The following PKIB variants were observed in gnomAD, a reference collection of about 807,000 sequenced individuals.
The protein encoded by PKIB is cAMP-dependent protein kinase inhibitor beta, also known as PKI-beta.
PKIB carries 2 observed loss-of-function variants against 4.5 expected under a neutral mutation model. The observed-to-expected ratio is 0.44, with a 90% confidence interval of 0.18 to 1.39. The LOEUF (loss-of-function observed/expected upper bound fraction) is 1.39, where lower values mean the gene tolerates loss of function less well. PKIB is among the 40% of genes most tolerant of loss of function. PKIB has a pLI of 0.27. For synonymous variants in PKIB, 38 were observed against 36.0 expected (o/e 1.06, Z -0.20); for missense variants, 94 against 92.6 (o/e 1.02, Z -0.06).
At chr6:122,626,627 T>C (rs1775456551) in intron 1 of PKIB, among the ~76,000 whole-genome samples, 3 of 152,236 alleles carry the variant, frequency 2.0e-5, no homozygotes, top group Admixed American at 2.0e-4. Context: ...ATGTGCATTC[T>C]GGACAGATGA....
chr6:122,707,263 TG>T (rs1433728700), intron 3 of PKIB, among the ~76,000 whole-genome samples: 4 of 152,168 alleles, frequency 2.6e-5, no homozygotes, highest in Non-Finnish European at 5.9e-5. Context: ...CCCATAATTT[TG>T]ATTGAATTTT....
chr6:122,566,610 A>ATTCCTCCG (rs1562253816), intron 2 of PKIB, among the ~76,000 whole-genome samples: 1 of 150,750 alleles, frequency 6.6e-6, no homozygotes, highest in East Asian at 1.9e-4. Flanking sequence ...TTTTGAAATA[A>ATTCCTCCG]TTCCTCCCTT....
intron 2 of PKIB, among the ~76,000 whole-genome samples, chr6:122,654,296 G>T (rs1445989519): frequency 6.6e-6 from 1 of 152,172 alleles, no homozygotes; most frequent in African/African-American, 2.4e-5. Context: ...GTTGGAATAA[G>T]ATCATGTTTG....
intron 1 of PKIB, among the ~76,000 whole-genome samples, chr6:122,622,304 AT>A (rs61333695): frequency 0.98 from 149,131 of 151,464 alleles, 73,443 homozygotes; most frequent in Middle Eastern, 1. Context: ...AGCCTTCTTC[AT>A]TTTTTTTTTG....
intron 2 of PKIB, among the ~76,000 whole-genome samples, chr6:122,503,273 A>G (rs780841911): frequency 3.9e-5 from 6 of 152,206 alleles, no homozygotes; most frequent in Non-Finnish European, 5.9e-5. Flanking sequence ...TGAAATGTTC[A>G]TGTAGCAATT....
chr6:122,564,161 C>G (rs550927680), intron 2 of PKIB, among the ~76,000 whole-genome samples: 1 of 152,282 alleles, frequency 6.6e-6, no homozygotes, highest in East Asian at 1.9e-4. Context: ...TTTCCCACTT[C>G]TGCAGTTGGG....
chr6:122,717,632 G>T (rs936473089), intron 3 of PKIB, 155 bp from the exon 4 acceptor site: 8 of 741,674 alleles, frequency 1.1e-5, no homozygotes, highest in African/African-American at 1.7e-5. Context: ...AATGGATGCT[G>T]CAGGACCGTA....
chr6:122,610,901 C>G (rs1774725801), intron 1 of PKIB, among the ~76,000 whole-genome samples: 1 of 152,144 alleles, frequency 6.6e-6, no homozygotes, highest in Non-Finnish European at 1.5e-5. Flanking sequence ...AATGCCAAGT[C>G]TTTCCCCTGG....
chr6:122,645,163 T>G (rs1776262921), intron 2 of PKIB, among the ~76,000 whole-genome samples: 1 of 152,246 alleles, frequency 6.6e-6, no homozygotes, highest in Non-Finnish European at 1.5e-5. Flanking sequence ...CTTCTATCTT[T>G]TAGGGTTATC....
At chr6:122,682,519 ACTGTAGGTTTTT>A (rs1357494222) in intron 3 of PKIB, among the ~76,000 whole-genome samples, 1 of 152,122 alleles carries the variant, frequency 6.6e-6, no homozygotes, top group African/African-American at 2.4e-5. Context: ...TTATCTAAAA[ACTGTAGGTTTTT>A]TCAACTTGAG....
At chr6:122,604,875 A>G (rs914272118) in intron 3 of PKIB, among the ~76,000 whole-genome samples, 4 of 152,188 alleles carry the variant, frequency 2.6e-5, no homozygotes, top group African/African-American at 9.7e-5. Context: ...AATGGTAATG[A>G]AGGAATACTT....
At chr6:122,585,453 C>T (rs1773822633) in intron 2 of PKIB, 1 of 152,044 alleles carries the variant, frequency 6.6e-6, no homozygotes, top group African/African-American at 2.4e-5. Flanking sequence ...TAAAAGGGGC[C>T]AGAGATAATT....
At chr6:122,710,822 C>G (rs1033490391) in intron 3 of PKIB, among the ~76,000 whole-genome samples, 9 of 152,234 alleles carry the variant, frequency 5.9e-5, no homozygotes, top group African/African-American at 2.2e-4. Flanking sequence ...CTTCTTTAAG[C>G]AGGCTCCAGT....
chr6:122,510,890 C>T (rs78141317), intron 2 of PKIB, among the ~76,000 whole-genome samples: 4 of 152,070 alleles, frequency 2.6e-5, no homozygotes, highest in South Asian at 2.1e-4. Context: ...CGCAGCAAGC[C>T]GAGTCATGGC....
intron 1 of PKIB, among the ~76,000 whole-genome samples, chr6:122,475,280 T>G (rs570272858): frequency 6.6e-6 from 1 of 152,188 alleles, no homozygotes; most frequent in Non-Finnish European, 1.5e-5. Flanking sequence ...AATAATAATT[T>G]TATTTTCAGA....
chr6:122,540,843 T>A lies in PKIB; in HGVS notation c.-247-45078T>A, dbSNP rs1182934828. 8.7e-4 allele frequency among the ~76,000 whole-genome samples: 131 copies of A among 151,128 alleles called. 2 individuals carry two copies. The highest frequency in any genetic ancestry group is 3.2e-3 in the African/African-American group (131 of 41,282). ...GTCTCTTTGTAGGTCACTCAGGACT[T>A]GCTTTATGAATCTGGGTGCTCCTGT... On this transcript the variant is annotated intron_variant, in intron 2 of 6. Transcript: ENST00000392491.
At chr6:122,662,279 T>TTCTC (rs1777024262) in intron 2 of PKIB, among the ~76,000 whole-genome samples, 2 of 146,170 alleles carry the variant, frequency 1.4e-5, no homozygotes, top group South Asian at 2.2e-4. Flanking sequence ...CAAGGTCTCT[T>TTCTC]TCTCTCTCCT....
intron 2 of PKIB, among the ~76,000 whole-genome samples, chr6:122,500,767 T>G (rs139372290): frequency 6.1e-4 from 93 of 152,278 alleles, no homozygotes; most frequent in African/African-American, 2.1e-3. Context: ...GAAAAGAGGC[T>G]TAATTAACTC....
At chr6:122,590,091 G>A (rs1773971554) in intron 3 of PKIB, among the ~76,000 whole-genome samples, 1 of 152,122 alleles carries the variant, frequency 6.6e-6, no homozygotes, top group African/African-American at 2.4e-5. Flanking sequence ...TGGGAAAACG[G>A]TAAAGTATTC....
Sources: allele counts gnomAD v4.1 joint callset (sites outside exome capture counted in the v4.1 genomes callset), GRCh38; gene constraint gnomAD v4.1.1; transcripts MANE v1.5; gene names NCBI Gene and HGNC (gene_info 2026-07-23, HGNC 2026-07-21).